MFSD2B: variants seen among roughly 807,000 people sequenced by gnomAD.
MFSD2B encodes the protein MFSD2 lysolipid transporter B, sphingolipid, also known as sphingosine-1-phosphate transporter MFSD2B.
Under a neutral mutation model 58.4 loss-of-function variants are expected in MFSD2B, and 56 were observed. The ratio of observed to expected loss-of-function variants is 0.96; its 90% CI spans 0.77 to 1.20. The LOEUF is 1.20. Among genes scored for constraint, MFSD2B ranks in the 50% most tolerant of loss-of-function variants. The probability of loss-of-function intolerance (pLI) is 0.00; values close to 1 mark genes in which losing one functional copy is unlikely to be tolerated. For synonymous variants in MFSD2B, 287 were observed against 294.4 expected (o/e 0.97, Z 0.26); for missense variants, 645 against 667.6 (o/e 0.97, Z 0.37).
intron 2 of MFSD2B, 59 bp downstream of exon 2, chr2:24,013,469 A>C (rs1573631856): frequency 6.8e-7 from 1 of 1,474,224 alleles, no homozygotes; most frequent in Non-Finnish European, 9.1e-7. Context: ...TGGTCCTTCC[A>C]CCCCCACCTC....
chr2:24,019,868 A>G (rs1352837183), intron 6 of MFSD2B, among the ~76,000 whole-genome samples: 1 of 152,048 alleles, frequency 6.6e-6, no homozygotes, highest in African/African-American at 2.4e-5. Flanking sequence ...AGAGGCCCCC[A>G]CCCTCCGAAT....
chr2:24,019,799 G>T (rs1336630172), intron 6 of MFSD2B, among the ~76,000 whole-genome samples: 1 of 152,190 alleles, frequency 6.6e-6, no homozygotes, highest in Non-Finnish European at 1.5e-5. Context: ...CCAGGGGATT[G>T]CAGCCTCCAG....
In MFSD2B at chr2:24,026,176, T is replaced by C. The variant is rs1425335104; in HGVS notation, c.*720T>C. On this transcript the variant is annotated 3_prime_UTR_variant, in exon 14 of 14. Coordinates refer to ENST00000338315, the MANE Select transcript of MFSD2B (RefSeq NM_001346880.2). ...ACATTATGCTGTACTCATTCTCTAA[T>C]ATCACAGCCATGTTAGAACAAATTT... 1 of 152,230 alleles carries C rather than the reference T, an allele frequency of 6.6e-6. No individual in the cohort carries two copies. The highest frequency in any genetic ancestry group is 1.5e-5 in the Non-Finnish European group (1 of 68,064). 9.4% of individuals were successfully genotyped at this position (152,230 alleles called of 1,614,324 possible).
Position 24,022,276 on chromosome 2 carries a change from T to C in MFSD2B, c.895-157T>C, listed in dbSNP as rs1403450956. On this transcript the variant is annotated intron_variant, in intron 8 of 13. Transcript: ENST00000338315. This position sits in a 1 kb window ranked among gnomAD's most constrained non-coding sequence, Gnocchi z 4.5. Reference sequence around the variant, plus strand: ...CCTAGGAGTGGTGTTTGTATCTGTGTTGGGGATAAGTGTCCTTTGTGGGGG... The same window carrying C: ...CCTAGGAGTGGTGTTTGTATCTGTGCTGGGGATAAGTGTCCTTTGTGGGGG... Among the ~76,000 whole-genome samples the C allele has an allele frequency of 1.3e-5, 2 of 152,124 alleles. No homozygotes were observed. The highest frequency in any genetic ancestry group is 1.5e-5 in the Non-Finnish European group (1 of 68,026).
chr2:24,015,358 G>T (rs1044949081), intron 2 of MFSD2B, among the ~76,000 whole-genome samples: 1 of 151,154 alleles, frequency 6.6e-6, no homozygotes, highest in African/African-American at 2.4e-5. Flanking sequence ...AGGCTGAGGT[G>T]GGAGAATCAC....
intron 1 of MFSD2B, among the ~76,000 whole-genome samples, chr2:24,011,719 C>G (rs971812412): frequency 2.6e-5 from 4 of 152,204 alleles, no homozygotes; most frequent in Non-Finnish European, 4.4e-5. Context: ...AAGCTTTGTT[C>G]TAGGTACTGG....
intron 1 of MFSD2B, 125 bp downstream of exon 1, chr2:24,010,317 G>A (rs1708911881): frequency 1.4e-6 from 1 of 726,246 alleles, no homozygotes; most frequent in African/African-American, 1.9e-5. Flanking sequence ...CCAGCTCAGG[G>A]GCTGCCCTCG....
chr2:24,024,475 G>A lies in MFSD2B; in HGVS notation c.1490+204G>A, dbSNP rs76208390. Among the ~76,000 whole-genome samples, 99 of 152,150 alleles carry A rather than the reference G, an allele frequency of 6.5e-4. No individual in the cohort carries two copies. Among genetic ancestry groups the A allele is most frequent in the East Asian group, 6.2e-3 (32 of 5,172 alleles). ...CTCAGTCTTCTTCCTTTGATCACCT[G>A]GTAGACTGTGGTATGTGAGGGCTCA... On this transcript the variant is annotated intron_variant, in intron 13 of 13. Coordinates refer to ENST00000338315, the MANE Select transcript of MFSD2B (RefSeq NM_001346880.2). This position sits in a 1 kb window ranked among gnomAD's most constrained non-coding sequence, Gnocchi z 4.3.
In MFSD2B at chr2:24,022,962, C is replaced by T; in HGVS notation, c.1059+60C>T. The T allele has an allele frequency of 1.3e-6, 2 of 1,514,226 alleles. No homozygotes were observed. The highest frequency in any genetic ancestry group is 2.3e-5 in the East Asian group (1 of 44,184). 93.8% of individuals were successfully genotyped at this position (1,514,226 alleles called of 1,614,324 possible). A position where few individuals can be genotyped will look rare whatever the true frequency, so the allele number is the denominator to read the frequency against. On this transcript the variant is annotated intron_variant, in intron 10 of 13. Coordinates refer to ENST00000338315, the MANE Select transcript of MFSD2B (RefSeq NM_001346880.2). This position sits in a 1 kb window ranked among gnomAD's most constrained non-coding sequence, Gnocchi z 4.5. Reference sequence around the variant, plus strand: ...CGGAGGGGAGAGGTGAGCGAGGTGACCTTGGTGCCTGAGCCTCCTGGGGCC... The same window carrying T: ...CGGAGGGGAGAGGTGAGCGAGGTGATCTTGGTGCCTGAGCCTCCTGGGGCC...
At chr2:24,013,046 C>G in intron 1 of MFSD2B, 1 of 372,430 alleles carries the variant, frequency 2.7e-6, no homozygotes. Flanking sequence ...GCAGGAAGCC[C>G]AGGGTAAGAT....
chr2:24,013,795 G>A (rs1709040967), intron 2 of MFSD2B, among the ~76,000 whole-genome samples: 1 of 146,994 alleles, frequency 6.8e-6, no homozygotes, highest in African/African-American at 2.5e-5. Flanking sequence ...GCTATCATTA[G>A]TGTTAGTGTA....
Position 24,012,117 on chromosome 2 carries a change from C to T in MFSD2B, c.97-1168C>T, listed in dbSNP as rs1429636052. On this transcript the variant is annotated intron_variant, in intron 1 of 13. Transcript: ENST00000338315. This position sits in a 1 kb window ranked among gnomAD's most constrained non-coding sequence, Gnocchi z 4.5. ...AAACTGCAATGGTATTGACTGAATA[C>T]CATGGATCTGGAAACAAACAAACAA... Among the ~76,000 whole-genome samples, 3 of 149,376 alleles carry T rather than the reference C, an allele frequency of 2.0e-5. No homozygotes were observed. The highest frequency in any genetic ancestry group is 7.4e-5 in the African/African-American group (3 of 40,274).
chr2:24,012,164 AC>A lies in MFSD2B; in HGVS notation c.97-1120del, dbSNP rs1354585275. Among the ~76,000 whole-genome samples the A allele has an allele frequency of 1.0e-4, 7 of 68,374 alleles. No homozygotes were observed. Among genetic ancestry groups the A allele is most frequent in the African/African-American group, 2.8e-4 (7 of 25,280 alleles). The allele number at this position is 68,374 out of a possible 152,430, so 44.9% of individuals were successfully genotyped here. ...ACAAACAAACAAAACACACACACAC[AC>A]ACACACACACACACAAAAACAGACA... On this transcript the variant is annotated intron_variant, in intron 1 of 13. Coordinates refer to ENST00000338315, the MANE Select transcript of MFSD2B (RefSeq NM_001346880.2). The surrounding 1 kb of genome is among the most constrained non-coding windows in gnomAD (Gnocchi z 4.5).
chr2:24,016,762 G>A (rs1436491467), intron 3 of MFSD2B, 83 bp from the exon 4 acceptor site: 8 of 1,538,284 alleles, frequency 5.2e-6, no homozygotes, highest in Non-Finnish European at 7.0e-6. Context: ...GGGCAGAGAA[G>A]GGGTGGGGTT....
chr2:24,010,464 T>A (rs1017037294), intron 1 of MFSD2B, among the ~76,000 whole-genome samples: 6 of 152,112 alleles, frequency 3.9e-5, no homozygotes, highest in African/African-American at 1.2e-4. Flanking sequence ...GGCTTAGGGG[T>A]CTTGTCCGTG....
Position 24,022,821 on chromosome 2 carries a change from G to A in MFSD2B, c.979-1G>A. The A allele has an allele frequency of 6.3e-7, 1 of 1,585,728 alleles. No individual in the cohort carries two copies. Among genetic ancestry groups the A allele is most frequent in the Non-Finnish European group, 8.6e-7 (1 of 1,168,140 alleles). ...GGCGTGACGATGCTGTCTGCTCACA[G>A]GTCTCAGCCGTGCTGAGCACCCCGC... On this transcript the variant is annotated splice_acceptor_variant, in intron 9 of 13. Coordinates refer to ENST00000338315, the MANE Select transcript of MFSD2B (RefSeq NM_001346880.2). LOFTEE classifies it high-confidence loss of function. This position sits in a 1 kb window ranked among gnomAD's most constrained non-coding sequence, Gnocchi z 4.5.
rs1662757540 is a variant in MFSD2B at position 24,020,945 on chromosome 2, G to A, written c.682-703G>A. ...AGAGTCTCGCTCTGTCGCTTAGGCT[G>A]GAGTGCAGTACTGTGATCTCGGCTC... is the stretch of plus-strand genomic sequence containing the variant. On this transcript the variant is annotated intron_variant, in intron 6 of 13. Transcript: ENST00000338315. This position sits in a 1 kb window ranked among gnomAD's most constrained non-coding sequence, Gnocchi z 4.1. 6.6e-6 allele frequency among the ~76,000 whole-genome samples: 1 copy of A among 151,862 alleles called. No individual in the cohort carries two copies. The highest frequency in any genetic ancestry group is 1.5e-5 in the Non-Finnish European group (1 of 67,980).
chr2:24,023,857 G>T lies in MFSD2B; in HGVS notation c.1313+131G>T. On this transcript the variant is annotated intron_variant, in intron 12 of 13. Transcript: ENST00000338315. The surrounding 1 kb of genome is among the most constrained non-coding windows in gnomAD (Gnocchi z 5.0). ...TAAGCGCTACTCTTTGGAGAGTGTG[G>T]GGAACCACTTCCCCAGGTTTCTCTG... is the stretch of plus-strand genomic sequence containing the variant. The T allele has an allele frequency of 1.7e-6, 2 of 1,186,824 alleles. No individual in the cohort carries two copies. Among genetic ancestry groups the T allele is most frequent in the Non-Finnish European group, 1.2e-6 (1 of 838,320 alleles). The allele number at this position is 1,186,824 out of a possible 1,614,324, so 73.5% of individuals were successfully genotyped here.
intron 2 of MFSD2B, among the ~76,000 whole-genome samples, chr2:24,014,314 C>T (rs1425015310): frequency 6.6e-6 from 1 of 151,964 alleles, no homozygotes; most frequent in East Asian, 1.9e-4. Context: ...GCCCAGTCTA[C>T]AGCTAATTTT....
Sources: allele counts gnomAD v4.1 joint callset (sites outside exome capture counted in the v4.1 genomes callset), GRCh38; gene constraint gnomAD v4.1.1; non-coding constraint Gnocchi (gnomAD v3.1); transcripts MANE v1.5; gene names NCBI Gene and HGNC (gene_info 2026-07-23, HGNC 2026-07-21).